MAP4K4: variants seen among roughly 807,000 people sequenced by gnomAD.
The protein encoded by MAP4K4 is mitogen-activated protein kinase kinase kinase kinase 4, also known as HPK/GCK-like kinase HGK.
In MAP4K4, 38 loss-of-function variants were observed where a neutral mutation model predicts 189.6. That is an observed-to-expected ratio of 0.20 (90% confidence interval 0.15 to 0.26). The LOEUF (loss-of-function observed/expected upper bound fraction) is 0.26. MAP4K4 is among the 10% of genes least tolerant of loss of function. The pLI, the probability that MAP4K4 is intolerant of heterozygous loss-of-function variation, is 1.00. For missense variants in MAP4K4, 1,054 were observed against 1,726.9 expected, an observed-to-expected ratio of 0.61 and a Z score of 6.91; for synonymous variants, 610 against 624.3, an observed-to-expected ratio of 0.98 and a Z score of 0.34.
chr2:101,728,168 A>G (rs531682407), intron 2 of MAP4K4, among the ~76,000 whole-genome samples: 1 of 152,268 alleles, frequency 6.6e-6, no homozygotes, highest in Admixed American at 6.5e-5. Context: ...GTGGATCCCA[A>G]AGTACAGATT....
At chr2:101,843,051 G>A (rs1446233740) in intron 11 of MAP4K4, among the ~76,000 whole-genome samples, 1 of 152,114 alleles carries the variant, frequency 6.6e-6, no homozygotes, top group South Asian at 2.1e-4. Context: ...GAATTGTCCC[G>A]CCCATGGACC....
chr2:101,851,682 A>G (rs939506379), intron 12 of MAP4K4, among the ~76,000 whole-genome samples: 1 of 148,778 alleles, frequency 6.7e-6, no homozygotes, highest in Non-Finnish European at 1.5e-5. Context: ...TACCACTTCA[A>G]CTATTAGAAT....
Position 101,741,244 on chromosome 2 carries a change from T to TG in MAP4K4, c.123+42707dup, listed in dbSNP as rs1398479554. Reference sequence around the variant, plus strand: ...GTGCAGTGGCGTGATCTTGGCTCACTGCAAGCTCCGCCTCCTGGGTTCACG... The same window carrying TG: ...GTGCAGTGGCGTGATCTTGGCTCACTGGCAAGCTCCGCCTCCTGGGTTCACG... On this transcript the variant is annotated intron_variant, in intron 2 of 32. Coordinates refer to ENST00000324219, the Ensembl canonical transcript of MAP4K4. 2.0e-5 allele frequency among the ~76,000 whole-genome samples: 3 copies of TG among 149,994 alleles called. No homozygotes were observed. In the East Asian group the frequency reaches 6.0e-4, roughly 30 times the overall value.
chr2:101,796,226 A>G (rs1243436347), intron 3 of MAP4K4, among the ~76,000 whole-genome samples: 1 of 152,144 alleles, frequency 6.6e-6, no homozygotes, highest in Admixed American at 6.6e-5. Flanking sequence ...GGATTCTCAA[A>G]ATGTAGCTAT....
chr2:101,727,732 G>A (rs1248813243), intron 2 of MAP4K4, among the ~76,000 whole-genome samples: 1 of 152,258 alleles, frequency 6.6e-6, no homozygotes, highest in African/African-American at 2.4e-5. Flanking sequence ...ACACTGGGAG[G>A]CTGAGGCAGG....
At chr2:101,750,530 G>A in intron 2 of MAP4K4, among the ~76,000 whole-genome samples, 1 of 129,960 alleles carries the variant, frequency 7.7e-6, no homozygotes, top group Non-Finnish European at 1.6e-5. Context: ...GGAGGGGGGA[G>A]GGATAGCATT....
chr2:101,825,374 A>G (rs765225661), exon 5 of MAP4K4: 3 of 1,613,632 alleles, frequency 1.9e-6, no homozygotes, highest in Admixed American at 3.3e-5. Context: ...AAGAACACCA[A>G]AGGGAACACA....
At chr2:101,866,678 G>T (rs576486403) in intron 19 of MAP4K4, 99 bp downstream of exon 19, 107 of 1,408,810 alleles carry the variant, frequency 7.6e-5, no homozygotes, top group Non-Finnish European at 9.1e-5. Context: ...GTAGCCACAC[G>T]TCACAAAACA....
rs370121619 is a variant in MAP4K4, at chr2:101,891,142, C to A, written c.4072-24C>A. ...GTGCTTCATGACCATGGTAACCATTCCCTCTCTTTTCTTGCTTTTGCAGGT... is the reference window on the plus strand; with the variant it reads ...GTGCTTCATGACCATGGTAACCATTACCTCTCTTTTCTTGCTTTTGCAGGT... On this transcript the variant is annotated intron_variant, in intron 32 of 32. Transcript: ENST00000324219. 1.9e-6 allele frequency: 3 copies of A among 1,593,866 alleles called. No individual in the cohort carries two copies. In the East Asian group the frequency reaches 6.7e-5, roughly 36 times the overall value.
chr2:101,855,389 T>C (rs1033570373), intron 12 of MAP4K4, among the ~76,000 whole-genome samples: 1 of 152,196 alleles, frequency 6.6e-6, no homozygotes, highest in Non-Finnish European at 1.5e-5. Context: ...AGGAGAATTA[T>C]ATTAGGTAAA....
chr2:101,793,504 G>A (rs576236746), intron 3 of MAP4K4, among the ~76,000 whole-genome samples: 1 of 151,660 alleles, frequency 6.6e-6, no homozygotes, highest in Non-Finnish European at 1.5e-5. Context: ...TGTGCTTCTG[G>A]TTCCAACTCC....
exon 33 of MAP4K4, chr2:101,893,025 A>G (rs1577592084): frequency 8.8e-6 from 4 of 456,470 alleles, no homozygotes; most frequent in South Asian, 4.6e-5. Flanking sequence ...TTTCCTGTAT[A>G]TTGTGAAAAT....
intron 18 of MAP4K4, among the ~76,000 whole-genome samples, chr2:101,865,522 T>G (rs1018394691): frequency 6.6e-6 from 1 of 152,230 alleles, no homozygotes; most frequent in East Asian, 1.9e-4. Flanking sequence ...AGAAGCTTCC[T>G]TATATTTAAA....
intron 2 of MAP4K4, among the ~76,000 whole-genome samples, chr2:101,755,450 A>C (rs770243252): frequency 6.6e-6 from 1 of 152,178 alleles, no homozygotes; most frequent in African/African-American, 2.4e-5. Context: ...TGTGGAAGAA[A>C]AAAGCTTTAC....
chr2:101,796,064 G>A (rs1023812076), intron 3 of MAP4K4, among the ~76,000 whole-genome samples: 1 of 152,240 alleles, frequency 6.6e-6, no homozygotes, highest in Admixed American at 6.5e-5. Context: ...GGGATGAAAC[G>A]GTGCTCTTTG....
At chr2:101,793,206 C>T (rs2093219921) in intron 3 of MAP4K4, among the ~76,000 whole-genome samples, 1 of 152,176 alleles carries the variant, frequency 6.6e-6, no homozygotes, top group Non-Finnish European at 1.5e-5. Context: ...GGTGAGTCCT[C>T]AAATAAGTAT....
chr2:101,855,810 T>C (rs2097433637), intron 12 of MAP4K4, among the ~76,000 whole-genome samples, 167 bp from the exon 13 acceptor site: 1 of 152,150 alleles, frequency 6.6e-6, no homozygotes. Flanking sequence ...GAAGAAGCCC[T>C]TACTTATGGG....
intron 2 of MAP4K4, among the ~76,000 whole-genome samples, chr2:101,784,876 G>C (rs1298143184): frequency 6.6e-6 from 1 of 152,172 alleles, no homozygotes; most frequent in Non-Finnish European, 1.5e-5. Context: ...TCTTGAGCTT[G>C]TTAACCTAGC....
At chr2:101,707,034 A>G (rs1459491400) in intron 2 of MAP4K4, among the ~76,000 whole-genome samples, 1 of 152,090 alleles carries the variant, frequency 6.6e-6, no homozygotes, top group African/African-American at 2.4e-5. Context: ...TAAATATGCA[A>G]ACTTTCATCA....
Sources: allele counts gnomAD v4.1 joint callset (sites outside exome capture counted in the v4.1 genomes callset), GRCh38; gene constraint gnomAD v4.1.1; transcripts MANE v1.5; gene names NCBI Gene and HGNC (gene_info 2026-07-23, HGNC 2026-07-21).